TNC: variants seen among roughly 807,000 people sequenced by gnomAD.
TNC encodes tenascin.
TNC carries 109 observed loss-of-function variants against 202.4 expected under a neutral mutation model. The ratio of observed to expected loss-of-function variants is 0.54; its 90% confidence interval spans 0.46 to 0.63. The LOEUF is 0.63. Ranked by LOEUF, TNC falls within the 30% of genes least tolerant of loss-of-function variation. TNC has a pLI of 0.00. For synonymous variants in TNC, 1,007 were observed against 1,089.7 expected (o/e 0.92, Z 1.50); for missense variants, 2,756 against 2,833.3 (o/e 0.97, Z 0.62).
intron 9 of TNC, among the ~76,000 whole-genome samples, chr9:115,075,264 C>T (rs988041755): frequency 2.0e-5 from 3 of 152,170 alleles, no homozygotes; most frequent in African/African-American, 7.2e-5. Flanking sequence ...TCAGCATCCT[C>T]ACCTACAAGC....
Position 115,087,311 on chromosome 9 carries a change from A to G in TNC, c.458-38T>C, listed in dbSNP as rs750361624. 10 of 1,596,478 alleles carry G rather than the reference A, an allele frequency of 6.3e-6. No homozygotes were observed. The South Asian group carries it at 1.0e-4, about 16-fold the overall frequency. ...AAACAGAAGTTCTCAGCCAGGCTTA[A>G]GCAGCCACATTTTTCTGTATCTACC... is the stretch of plus-strand genomic sequence containing the variant. On this transcript the variant is annotated intron_variant, in intron 2 of 27. Coordinates refer to ENST00000350763, the MANE Select transcript of TNC (RefSeq NM_002160.4).
At chr9:115,041,116 A>G in intron 18 of TNC, 32 bp from the exon 19 acceptor site, 2 of 1,590,066 alleles carry the variant, frequency 1.3e-6, no homozygotes, top group Non-Finnish European at 8.6e-7. Flanking sequence ...ATGAGGAATA[A>G]TGAACCTCAC....
intron 17 of TNC, among the ~76,000 whole-genome samples, chr9:115,043,715 C>T (rs531975463): frequency 6.7e-6 from 1 of 150,092 alleles, no homozygotes; most frequent in African/African-American, 2.5e-5. Context: ...TAGGAAAGAT[C>T]GAGATGAGTC....
Position 115,024,865 on chromosome 9 carries a change from C to T in TNC, c.6332-729G>A, listed in dbSNP as rs182780537. On this transcript the variant is annotated intron_variant, in intron 26 of 27. Transcript: ENST00000350763. ...TTTTTGAAGCATTTCAGTACCATTGCTTTGTGGGTCTCCTCACTCCCAATC... is the reference window on the plus strand; with the variant it reads ...TTTTTGAAGCATTTCAGTACCATTGTTTTGTGGGTCTCCTCACTCCCAATC... Among the ~76,000 whole-genome samples the T allele has an allele frequency of 3.3e-5, 5 of 152,292 alleles. No individual in the cohort carries two copies. In the East Asian group the frequency reaches 9.7e-4, roughly 29 times the overall value.
At chr9:115,096,134 G>A (rs1835770738) in intron 1 of TNC, among the ~76,000 whole-genome samples, 1 of 152,064 alleles carries the variant, frequency 6.6e-6, no homozygotes, top group Non-Finnish European at 1.5e-5. Context: ...AATTGTTTTT[G>A]TGAGATTTTC....
chr9:115,051,103 T>C (rs554711657), intron 15 of TNC, among the ~76,000 whole-genome samples: 1 of 152,272 alleles, frequency 6.6e-6, no homozygotes, highest in East Asian at 1.9e-4. Flanking sequence ...TTCTAAATAT[T>C]TTCTGAGGCT....
At chr9:115,113,609 C>A (rs558063923) in intron 1 of TNC, among the ~76,000 whole-genome samples, 1 of 152,300 alleles carries the variant, frequency 6.6e-6, no homozygotes, top group South Asian at 2.1e-4. Flanking sequence ...TGATATATCT[C>A]TGGCTCTTGG....
Position 115,042,213 on chromosome 9 carries a change from T to A in TNC, c.5248+6A>T, listed in dbSNP as rs571718742. On this transcript the variant is annotated splice_donor_region_variant and intron_variant, in intron 18 of 27. Coordinates refer to ENST00000350763, the MANE Select transcript of TNC (RefSeq NM_002160.4). ...CTCCTCTCTCTCCCCTTTCCGAGTC[T>A]CCTACCTCCTGTAATGGGCACATAG... 46 of 1,613,588 alleles carry A rather than the reference T, an allele frequency of 2.9e-5. No homozygotes were observed. In the East Asian group the frequency reaches 9.8e-4, roughly 34 times the overall value.
intron 25 of TNC, among the ~76,000 whole-genome samples, chr9:115,027,120 A>AG (rs55801713): frequency 0.1 from 778 of 7,560 alleles, 14 homozygotes; most frequent in African/African-American, 0.19. Flanking sequence ...GAAAGCAAAA[A>AG]AAAAAAAAAA....
rs909483968 is a variant in TNC, at chr9:115,026,530, G to A, written c.6331+4C>T. ...GTAGGCTCTACGTGCAGCCACTACTGTACCTGCTGTCCCACTGTACCCCTC... is the reference window on the plus strand; with the variant it reads ...GTAGGCTCTACGTGCAGCCACTACTATACCTGCTGTCCCACTGTACCCCTC... On this transcript the variant is annotated splice_donor_region_variant and intron_variant, in intron 26 of 27. Coordinates refer to ENST00000350763, the MANE Select transcript of TNC (RefSeq NM_002160.4). 17 of 1,613,976 alleles carry A rather than the reference G, an allele frequency of 1.1e-5. No homozygotes were observed. Among genetic ancestry groups the A allele is most frequent in the Admixed American group, 1.7e-5 (1 of 60,024 alleles).
intron 2 of TNC, among the ~76,000 whole-genome samples, chr9:115,090,075 G>A (rs1407795171): frequency 6.6e-6 from 1 of 152,156 alleles, no homozygotes; most frequent in Non-Finnish European, 1.5e-5. Flanking sequence ...GCATTTGTAA[G>A]AATACTGAAA....
rs138942007 is a variant in TNC, at chr9:115,030,299, C to G, written c.6027G>C (p.Ala2009=). ...AGGTCATGTCACAGAAGACTTCCAG[C>G]GCCTCAGCCTTATCACCATTCAGAT... ...TIYLNGDKAE[A]LEVFCDMTSD... The change falls in exon 24 of 28, where the codon GCG becomes GCC. Residue 2009 remains alanine (A), a synonymous_variant. Transcript: ENST00000350763. The G allele has an allele frequency of 2.9e-5, 46 of 1,613,488 alleles. No homozygotes were observed. The African/African-American group carries it at 5.1e-4, about 18-fold the overall frequency.
In TNC at chr9:115,020,631, C is replaced by G. The variant is rs1214897988; in HGVS notation, c.*526G>C. 1 of 350,164 alleles carries G rather than the reference C, an allele frequency of 2.9e-6. No individual in the cohort carries two copies. The highest frequency in any genetic ancestry group is 7.9e-5 in the East Asian group (1 of 12,612). The allele number at this position is 350,164 out of a possible 1,614,324, so 21.7% of individuals were successfully genotyped here. On this transcript the variant is annotated 3_prime_UTR_variant, in exon 28 of 28. Transcript: ENST00000350763. ...GATCTCTTGAAAAATCCTTAGTTTT[C>G]ATCATCATCATCATCATTATTATAT...
In TNC at chr9:115,062,976, G is replaced by A. The variant is rs376504777; in HGVS notation, c.3974C>T (p.Thr1325Ile). 1 of 1,613,988 alleles carries A rather than the reference G, an allele frequency of 6.2e-7. No individual in the cohort carries two copies. The highest frequency in any genetic ancestry group is 1.3e-5 in the African/African-American group (1 of 74,908). The change falls in exon 13 of 28, where the codon ACC (threonine) becomes ATC (isoleucine). Residue 1325 changes from threonine (T) to isoleucine (I), a missense_variant. Around this residue, in one of 2 missense-constraint regions of TNC, gnomAD observed 2,559 missense variants for 2,546.0 expected, o/e 1.01. Coordinates refer to ENST00000350763, the MANE Select transcript of TNC (RefSeq NM_002160.4). ...GLRAGTPYTV[T>I]LHGEVRGHST... Reference sequence around the variant, plus strand: ...GTGGCCCCTGACCTCGCCGTGCAGGGTGACTGTGTAAGGAGTGCCAGCCCT... The same window carrying A: ...GTGGCCCCTGACCTCGCCGTGCAGGATGACTGTGTAAGGAGTGCCAGCCCT...
chr9:115,083,273 C>T (rs1191544161), intron 4 of TNC, among the ~76,000 whole-genome samples: 2 of 152,106 alleles, frequency 1.3e-5, no homozygotes, highest in Non-Finnish European at 2.9e-5. Context: ...GAATAAATGG[C>T]AGCCAATGTT....
chr9:115,052,769 G>T (rs940316281), intron 15 of TNC: 6 of 702,472 alleles, frequency 8.5e-6, no homozygotes, highest in African/African-American at 1.7e-5. Context: ...GAGGGGTCTG[G>T]TGGGATCCCC....
intron 10 of TNC, among the ~76,000 whole-genome samples, chr9:115,069,618 CTCT>C (rs1564467039): frequency 1.2e-4 from 1 of 8,424 alleles, no homozygotes; most frequent in Non-Finnish European, 2.6e-4. Flanking sequence ...CTCCCTCCCT[CTCT>C]CCCTCCCTCC....
intron 14 of TNC, 55 bp downstream of exon 14, chr9:115,059,675 T>C (rs2132511494): frequency 6.6e-7 from 1 of 1,513,870 alleles, no homozygotes. Flanking sequence ...GCATGATCTC[T>C]TGAAAAGGAA....
intron 6 of TNC, among the ~76,000 whole-genome samples, chr9:115,078,868 G>T (rs985248852): frequency 3.5e-4 from 53 of 152,132 alleles, no homozygotes; most frequent in African/African-American, 4.8e-5. Context: ...GTTGGGCACC[G>T]CCTGGTCTCT....
Sources: gnomAD v4.1 joint callset for allele counts (sites outside exome capture counted in the v4.1 genomes callset) on GRCh38, gnomAD v4.1.1 for gene constraint, gnomAD v4.1.1 regional missense constraint, MANE v1.5 for transcripts, NCBI Gene and HGNC (gene_info 2026-07-23, HGNC 2026-07-21) for gene names.